The following CEP152 variants were observed in gnomAD, a reference collection of about 807,000 sequenced individuals.
The protein encoded by CEP152 is centrosomal protein of 152 kDa.
A neutral mutation model predicts 188.9 loss-of-function variants in CEP152; 132 were observed. The ratio of observed to expected loss-of-function variants is 0.70; its 90% CI spans 0.61 to 0.81. The LOEUF (loss-of-function observed/expected upper bound fraction) is 0.81, where lower values mean the gene tolerates loss of function less well. CEP152 is among the 30% of genes least tolerant of loss of function. The pLI is 0.00. For synonymous variants in CEP152, 649 were observed against 666.6 expected, an observed-to-expected ratio of 0.97 and a Z score of 0.41; for missense variants, 1,914 against 1,969.8, an observed-to-expected ratio of 0.97 and a Z score of 0.54.
At chr15:48,758,034 A>T (rs1440913504) in intron 19 of CEP152, among the ~76,000 whole-genome samples, 1 of 152,244 alleles carries the variant, frequency 6.6e-6, no homozygotes, top group African/African-American at 2.4e-5. Context: ...TTTGCTGCAC[A>T]TTAGAATCAC....
At chr15:48,765,635 AATT>A (rs1895010241) in intron 17 of CEP152, 3 of 305,968 alleles carry the variant, frequency 9.8e-6, no homozygotes, top group Non-Finnish European at 1.2e-5. Context: ...TGTTCTTGCC[AATT>A]TTTTTTTTTT....
intron 12 of CEP152, among the ~76,000 whole-genome samples, chr15:48,780,336 T>C (rs969179140): frequency 6.6e-6 from 1 of 152,230 alleles, no homozygotes; most frequent in African/African-American, 2.4e-5. Flanking sequence ...GATCACTTTA[T>C]ATTTCTACTT....
chr15:48,760,496 AT>A, intron 18 of CEP152, among the ~76,000 whole-genome samples: 1 of 152,154 alleles, frequency 6.6e-6, no homozygotes, highest in Non-Finnish European at 1.5e-5. Flanking sequence ...GAATCTGTGA[AT>A]GTTTGATGAC....
In CEP152 at chr15:48,795,994, T is replaced by G. The variant is rs1353411566; in HGVS notation, c.691+16A>C. The G allele has an allele frequency of 1.2e-6, 2 of 1,610,846 alleles. No homozygotes were observed. Among genetic ancestry groups the G allele is most frequent in the South Asian group, 1.1e-5 (1 of 91,012 alleles). On this transcript the variant is annotated intron_variant, in intron 6 of 26. Coordinates refer to ENST00000380950, the MANE Select transcript of CEP152 (RefSeq NM_001194998.2). ...ATTATGTGGTATTAAAAAATAAATA[T>G]AAACTTGATACCTACTCTCATTAGC...
intron 2 of CEP152, among the ~76,000 whole-genome samples, chr15:48,732,689 T>C (rs925236021): frequency 5.3e-5 from 8 of 151,090 alleles, no homozygotes; most frequent in Admixed American, 4.6e-4. Context: ...AAAAAAAGAA[T>C]ACATGATCAA....
Position 48,796,191 on chromosome 15 carries a change from A to G in CEP152, c.541-31T>C, listed in dbSNP as rs1243799681. 5 of 1,612,066 alleles carry G rather than the reference A, an allele frequency of 3.1e-6. No individual in the cohort carries two copies. The South Asian group carries it at 3.3e-5, about 11-fold the overall frequency. Reference sequence around the variant, plus strand: ...ATAACAAATGAAACTGACAATTAAGATTTGGCCTTTTCTTCCAAAATTATC... The same window carrying G: ...ATAACAAATGAAACTGACAATTAAGGTTTGGCCTTTTCTTCCAAAATTATC... On this transcript the variant is annotated intron_variant, in intron 5 of 26. Transcript: ENST00000380950.
At chr15:48,799,241 G>A (rs1442195831) in intron 2 of CEP152, among the ~76,000 whole-genome samples, 2 of 151,690 alleles carry the variant, frequency 1.3e-5, no homozygotes, top group Admixed American at 1.3e-4. Context: ...AATGGAATGT[G>A]TCCATAAAAC....
rs1176892967 is a variant in CEP152, at chr15:48,739,080, CACATGCTTTAT to C, written c.4291_4301del (p.Ile1431GlyfsTer15). The C allele has an allele frequency of 1.9e-6, 3 of 1,614,050 alleles. No individual in the cohort carries two copies. Among genetic ancestry groups the C allele is most frequent in the Non-Finnish European group, 2.5e-6 (3 of 1,180,032 alleles). ...ATTCCAAATGTGTCTCTTTGGATCCCACATGCTTTATGCTCTGATGCTCTGAGTTCTCTAAC... is the reference window on the plus strand; with the variant it reads ...ATTCCAAATGTGTCTCTTTGGATCCCGCTCTGATGCTCTGAGTTCTCTAAC... On this transcript the variant is annotated frameshift_variant, in exon 27 of 27. Coordinates refer to ENST00000380950, the MANE Select transcript of CEP152 (RefSeq NM_001194998.2). LOFTEE classifies it low-confidence loss of function (END_TRUNC).
At chr15:48,751,911 TTAAAA>T (rs1893902359) in intron 21 of CEP152, among the ~76,000 whole-genome samples, 1 of 152,142 alleles carries the variant, frequency 6.6e-6, no homozygotes, top group South Asian at 2.1e-4. Context: ...AAGGAAGAGA[TTAAAA>T]ACACTGCCCA....
chr15:48,737,049 C>T (rs138522915), downstream of CEP152, among the ~76,000 whole-genome samples: 578 of 152,294 alleles, frequency 3.8e-3, 4 homozygotes, highest in African/African-American at 0.014. Flanking sequence ...TGAATTCAAG[C>T]ACTGAAGTCC....
intron 13 of CEP152, among the ~76,000 whole-genome samples, chr15:48,770,199 CACAACA>C (rs1211787190): frequency 1.3e-5 from 2 of 152,100 alleles, no homozygotes; most frequent in Non-Finnish European, 2.9e-5. Context: ...AGCTCTTTGC[CACAACA>C]CAGTGGCTCA....
At chr15:48,795,346 T>C (rs998527308) in intron 6 of CEP152, among the ~76,000 whole-genome samples, 1 of 152,138 alleles carries the variant, frequency 6.6e-6, no homozygotes. Flanking sequence ...CTAATTTATA[T>C]CAGAGTTGAC....
Position 48,738,483 on chromosome 15 carries a change from C to A in CEP152, c.4899G>T (p.Gln1633His). ...CTGACAGGTATGGAGTTTGATAACG[C>A]TGACATTTCATTGTTTGACAAATCA... ...SNMICQTMKC[Q>H]RYQTPYLSEE... Residue 1633 changes from glutamine to histidine, a missense_variant, in exon 27 of 27, where the codon CAG becomes CAT. Gln to His is a conservative substitution (Grantham distance 24, BLOSUM62 0). Coordinates refer to ENST00000380950, the MANE Select transcript of CEP152 (RefSeq NM_001194998.2). 1 of 1,614,200 alleles carries A rather than the reference C, an allele frequency of 6.2e-7. No homozygotes were observed. The highest frequency in any genetic ancestry group is 1.1e-5 in the South Asian group (1 of 91,082).
intron 16 of CEP152, 51 bp downstream of exon 16, chr15:48,767,284 G>A (rs771487150): frequency 1.7e-5 from 28 of 1,613,968 alleles, no homozygotes; most frequent in Non-Finnish European, 2.4e-5. Flanking sequence ...TTATGGAATA[G>A]GGGAATGTAG....
chr15:48,745,100 G>A, intron 22 of CEP152, 108 bp from the exon 23 acceptor site: 1 of 741,082 alleles, frequency 1.3e-6, no homozygotes, highest in Non-Finnish European at 2.1e-6. Context: ...GCAATTTCCA[G>A]TCGCTTTTCT....
chr15:48,806,556 T>A (rs991193473), intron 1 of CEP152, among the ~76,000 whole-genome samples: 4 of 152,208 alleles, frequency 2.6e-5, no homozygotes, highest in African/African-American at 9.7e-5. Context: ...TGAAACGCAC[T>A]TGGATGTGAG....
At chr15:48,796,566 C>T (rs1459425353) in intron 5 of CEP152, among the ~76,000 whole-genome samples, 2 of 152,052 alleles carry the variant, frequency 1.3e-5, no homozygotes, top group South Asian at 2.1e-4. Context: ...ACATGGACCA[C>T]GGTGCCTCAT....
intron 18 of CEP152, 39 bp from the exon 19 acceptor site, chr15:48,760,305 TA>T (rs775701235): frequency 1.5e-5 from 24 of 1,611,380 alleles, no homozygotes; most frequent in Non-Finnish European, 1.9e-5. Flanking sequence ...AAGGGAAGTA[TA>T]AAACTTAAAA....
At chr15:48,757,807 T>C (rs1301247701) in intron 19 of CEP152, among the ~76,000 whole-genome samples, 1 of 152,208 alleles carries the variant, frequency 6.6e-6, no homozygotes, top group African/African-American at 2.4e-5. Context: ...AGCAGAATAA[T>C]TCAGTAGTGA....
Sources: allele counts gnomAD v4.1 joint callset (sites outside exome capture counted in the v4.1 genomes callset), GRCh38; gene constraint gnomAD v4.1.1; transcripts MANE v1.5; gene names NCBI Gene and HGNC (gene_info 2026-07-23, HGNC 2026-07-21).